AGPAT5: variants seen among roughly 807,000 people sequenced by gnomAD.
AGPAT5 encodes 1-acylglycerol-3-phosphate O-acyltransferase 5.
A neutral mutation model predicts 45.6 loss-of-function variants in AGPAT5; 46 were observed. The observed-to-expected ratio is 1.01, with a 90% CI of 0.80 to 1.29. The LOEUF is 1.29. AGPAT5 is among the 50% of genes most tolerant of loss of function. AGPAT5 has a pLI of 0.00. For missense variants in AGPAT5, 673 were observed against 450.7 expected, an observed-to-expected ratio of 1.49 and a Z score of -4.47; for synonymous variants, 272 against 167.0, an observed-to-expected ratio of 1.63 and a Z score of -4.85.
chr8:6,710,284 T>C (rs538364565), intron 1 of AGPAT5, among the ~76,000 whole-genome samples: 1 of 152,342 alleles, frequency 6.6e-6, no homozygotes, highest in Non-Finnish European at 1.5e-5. Flanking sequence ...ATTGCATACC[T>C]TACCTGATGT....
intron 6 of AGPAT5, among the ~76,000 whole-genome samples, chr8:6,749,407 A>C (rs1292903212): frequency 1.3e-5 from 2 of 152,200 alleles, no homozygotes; most frequent in African/African-American, 4.8e-5. Flanking sequence ...AAAGTAGAAA[A>C]CTAAGGTGTT....
intron 1 of AGPAT5, among the ~76,000 whole-genome samples, chr8:6,718,838 T>A (rs1800412765): frequency 6.6e-6 from 1 of 152,196 alleles, no homozygotes. Flanking sequence ...AAAGAAATTG[T>A]AAAAATTACA....
intron 4 of AGPAT5, among the ~76,000 whole-genome samples, chr8:6,736,078 T>C (rs544619273): frequency 6.6e-6 from 1 of 152,286 alleles, no homozygotes; most frequent in South Asian, 2.1e-4. Context: ...GGTCTCGAAC[T>C]CCTGACCTCT....
chr8:6,729,438 T>G (rs1157781752), intron 2 of AGPAT5, among the ~76,000 whole-genome samples: 1 of 152,136 alleles, frequency 6.6e-6, no homozygotes, highest in Non-Finnish European at 1.5e-5. Flanking sequence ...GAATTATTCT[T>G]TTCACAGATT....
intron 2 of AGPAT5, 49 bp from the exon 3 acceptor site, chr8:6,730,662 A>G (rs777010150): frequency 1.6e-6 from 2 of 1,252,372 alleles, no homozygotes; most frequent in African/African-American, 1.5e-5. Context: ...TTCATAGTAC[A>G]ACCTGTGAAG....
Position 6,730,785 on chromosome 8 carries a change from G to A in AGPAT5, c.364G>A (p.Gly122Arg). The part of the protein sequence containing the change: ...LGHVRYVLKE[G>R]LKWLPLYGCY... The stretch of plus-strand genomic sequence containing the variant: ...ACATGTGCGCTACGTGCTGAAAGAA[G>A]GGTTAAAATGGCTGCCATTGTATGG... The change falls in exon 3 of 8, where the codon GGG becomes AGG. Residue 122 changes from glycine (G) to arginine (R), a missense_variant. By Grantham distance (125) the Gly-to-Arg change is moderately radical. Coordinates refer to ENST00000285518, the MANE Select transcript of AGPAT5 (RefSeq NM_018361.5). The A allele has an allele frequency of 6.2e-7, 1 of 1,613,456 alleles. No individual in the cohort carries two copies. Among genetic ancestry groups the A allele is most frequent in the Non-Finnish European group, 8.5e-7 (1 of 1,179,562 alleles).
intron 1 of AGPAT5, among the ~76,000 whole-genome samples, chr8:6,720,585 C>G (rs1800465967): frequency 6.6e-6 from 1 of 152,156 alleles, no homozygotes; most frequent in South Asian, 2.1e-4. Context: ...GCTACCAAGC[C>G]TTCTGCCACT....
rs764883427 is a variant in AGPAT5, at chr8:6,760,184, A to G, written c.*2796A>G. 2.6e-5 allele frequency among the ~76,000 whole-genome samples: 4 copies of G among 152,150 alleles called. No individual in the cohort carries two copies. The highest frequency in any genetic ancestry group is 5.9e-5 in the Non-Finnish European group (4 of 68,034). Reference sequence around the variant, plus strand: ...ATCATAGATAGAAGGAAATAAGGCCAAGTTCAAGACCAGCCTGGGCAACAT... The same window carrying G: ...ATCATAGATAGAAGGAAATAAGGCCGAGTTCAAGACCAGCCTGGGCAACAT... On this transcript the variant is annotated 3_prime_UTR_variant, in exon 8 of 8. Coordinates refer to ENST00000285518, the MANE Select transcript of AGPAT5 (RefSeq NM_018361.5).
intron 4 of AGPAT5, among the ~76,000 whole-genome samples, chr8:6,735,689 G>C (rs531082331): frequency 1.1e-3 from 174 of 151,982 alleles, no homozygotes; most frequent in African/African-American, 4.0e-3. Flanking sequence ...TGTCAGTGTT[G>C]TTGTTGTTGT....
At position 6,757,412 on chromosome 8, in the gene AGPAT5, G is replaced by T. The variant is rs1246865279; in HGVS notation, c.*24G>T. On this transcript the variant is annotated 3_prime_UTR_variant, in exon 8 of 8. Transcript: ENST00000285518. ...AGACAAGTAGCTGTCTCCAGACAGT[G>T]GGATGTGCTACATTGTCTATTTTTG... The T allele has an allele frequency of 1.3e-6, 2 of 1,589,508 alleles. No individual in the cohort carries two copies. Among genetic ancestry groups the T allele is most frequent in the Middle Eastern group, 1.7e-4 (1 of 6,018 alleles).
intron 2 of AGPAT5, among the ~76,000 whole-genome samples, chr8:6,728,611 C>A (rs1001528649): frequency 1.3e-5 from 2 of 152,112 alleles, no homozygotes; most frequent in Non-Finnish European, 2.9e-5. Flanking sequence ...AAATAAAACC[C>A]ATTTTTAAAA....
intron 4 of AGPAT5, among the ~76,000 whole-genome samples, chr8:6,734,175 A>G (rs1451452964): frequency 6.6e-6 from 1 of 151,800 alleles, no homozygotes; most frequent in Admixed American, 6.6e-5. Context: ...TTCCTACCCC[A>G]GTCTTTCTTC....
At chr8:6,719,224 G>T (rs532808189) in intron 1 of AGPAT5, among the ~76,000 whole-genome samples, 3 of 152,252 alleles carry the variant, frequency 2.0e-5, no homozygotes, top group South Asian at 2.1e-4. Context: ...CAACTAGAAA[G>T]AATTTTTTTG....
At chr8:6,750,724 C>CT (rs34086600) in intron 6 of AGPAT5, among the ~76,000 whole-genome samples, 138,967 of 146,950 alleles carry the variant, frequency 0.95, 65,830 homozygotes, top group Non-Finnish European at 0.99. Context: ...CAGGGGATAC[C>CT]TTTTTTTTTT....
chr8:6,710,955 C>G (rs1244697282), intron 1 of AGPAT5, among the ~76,000 whole-genome samples: 2 of 152,018 alleles, frequency 1.3e-5, no homozygotes, highest in Non-Finnish European at 2.9e-5. Context: ...GTTTGCAAGG[C>G]TAGTGATGAT....
intron 1 of AGPAT5, among the ~76,000 whole-genome samples, chr8:6,713,705 C>A (rs186067447): frequency 7.2e-6 from 1 of 139,584 alleles, no homozygotes; most frequent in Non-Finnish European, 1.5e-5. Context: ...AGGTACACAG[C>A]ACCATGCCCA....
chr8:6,716,834 AAAAC>A (rs150552073), intron 1 of AGPAT5, among the ~76,000 whole-genome samples: 6,757 of 152,178 alleles, frequency 0.044, 494 homozygotes, highest in African/African-American at 0.15. Context: ...ATTCCGTCTC[AAAAC>A]AAACAAACAA....
At position 6,755,190 on chromosome 8, in the gene AGPAT5, T is replaced by A. The variant is rs58366914; in HGVS notation, c.869+16T>A. On this transcript the variant is annotated intron_variant, in intron 7 of 7. Coordinates refer to ENST00000285518, the MANE Select transcript of AGPAT5 (RefSeq NM_018361.5). ...TCAAAGATAAGTGAGTAACAACAGT[T>A]CCAGCACTTCCGGAACTTCGGTTCA... 0.011 allele frequency: 16,878 copies of A among 1,588,664 alleles called. 545 individuals carry two copies. The highest frequency in any genetic ancestry group is 0.1 in the African/African-American group (7,408 of 73,308).
intron 3 of AGPAT5, among the ~76,000 whole-genome samples, 159 bp downstream of exon 3, chr8:6,730,985 C>G (rs1800843387): frequency 6.6e-6 from 1 of 151,096 alleles, no homozygotes; most frequent in African/African-American, 2.4e-5. Context: ...CCTCCTGCCT[C>G]TGCCTCCCAA....
Sources: allele counts gnomAD v4.1 joint callset (sites outside exome capture counted in the v4.1 genomes callset), GRCh38; gene constraint gnomAD v4.1.1; transcripts MANE v1.5; gene names NCBI Gene and HGNC (gene_info 2026-07-23, HGNC 2026-07-21).